Variants in STAT4 observed in about 807,000 individuals in gnomAD.
STAT4 encodes signal transducer and activator of transcription 4.
STAT4 carries 42 observed loss-of-function variants against 110.5 expected under a neutral mutation model. That is an observed-to-expected ratio of 0.38 (90% CI 0.30 to 0.49). STAT4 has a LOEUF of 0.49. Among genes scored for constraint, STAT4 ranks in the 20% least tolerant of loss-of-function variants. The probability of loss-of-function intolerance (pLI) is 0.95; values close to 1 mark genes in which losing one functional copy is unlikely to be tolerated. For missense variants in STAT4, 632 were observed against 887.9 expected (o/e 0.71, Z 3.66); for synonymous variants, 284 against 302.2 (o/e 0.94, Z 0.63).
chr2:191,031,817 T>G lies in STAT4; in HGVS notation c.2045-301A>C, dbSNP rs1695904785. Among the ~76,000 whole-genome samples the G allele has an allele frequency of 6.6e-6, 1 of 152,226 alleles. No individual in the cohort carries two copies. The highest frequency in any genetic ancestry group is 2.4e-5 in the African/African-American group (1 of 41,460). On this transcript the variant is annotated intron_variant, in intron 21 of 23. Coordinates refer to ENST00000392320, the MANE Select transcript of STAT4 (RefSeq NM_003151.4). The surrounding 1 kb of genome is among the most constrained non-coding windows in gnomAD (Gnocchi z 4.8). ...CTATTACCTGTTTTCTACGTTTCAT[T>G]TATGTTTGATTATAAGGACTGATTG... is the stretch of plus-strand genomic sequence containing the variant.
chr2:191,084,346 T>C (rs1309596260), intron 3 of STAT4, among the ~76,000 whole-genome samples: 1 of 152,070 alleles, frequency 6.6e-6, no homozygotes, highest in African/African-American at 2.4e-5. Flanking sequence ...CATTAGGATA[T>C]GATGAAGCCT....
chr2:191,043,852 A>G lies in STAT4; in HGVS notation c.1252-2704T>C, dbSNP rs149943105. Among the ~76,000 whole-genome samples, 1,300 of 152,334 alleles carry G rather than the reference A, an allele frequency of 8.5e-3. 6 individuals carry two copies. Among genetic ancestry groups the G allele is most frequent in the Non-Finnish European group, 0.014 (924 of 68,032 alleles). ...AAAAGCAAGTTGTGATAAAATATAT[A>G]CATAAGGATGCCATTTATGTAAAAT... On this transcript the variant is annotated intron_variant, in intron 14 of 23. Coordinates refer to ENST00000392320, the MANE Select transcript of STAT4 (RefSeq NM_003151.4). This position sits in a 1 kb window ranked among gnomAD's most constrained non-coding sequence, Gnocchi z 4.8.
At chr2:191,105,877 T>C (rs115561812) in intron 3 of STAT4, among the ~76,000 whole-genome samples, 1,665 of 152,252 alleles carry the variant, frequency 0.011, 22 homozygotes, top group Middle Eastern at 0.041. Context: ...TCCTCGCCGA[T>C]GGATATGAAC....
chr2:191,061,972 A>G lies in STAT4; in HGVS notation c.942-151T>C. On this transcript the variant is annotated intron_variant, in intron 9 of 23. Transcript: ENST00000392320. The surrounding 1 kb of genome is among the most constrained non-coding windows in gnomAD (Gnocchi z 6.2). ...CCCCAATTAAACTCAAATCTTTACAATGACTTTTTATAAATCATTTCACAG... is the reference window on the plus strand; with the variant it reads ...CCCCAATTAAACTCAAATCTTTACAGTGACTTTTTATAAATCATTTCACAG... The G allele has an allele frequency of 3.0e-6, 2 of 675,548 alleles. No individual in the cohort carries two copies. Among genetic ancestry groups the G allele is most frequent in the Non-Finnish European group, 5.2e-6 (2 of 386,476 alleles). 41.8% of individuals were successfully genotyped at this position (675,548 alleles called of 1,614,324 possible).
At position 191,076,212 on chromosome 2, in the gene STAT4, G is replaced by A. The variant is rs769896896; in HGVS notation, c.372+15C>T. ...TTCAAGGTGATAACAAGATCACAAG[G>A]TCAGAAAATATTACCTGGACAGGCA... On this transcript the variant is annotated intron_variant, in intron 4 of 23. Transcript: ENST00000392320. 1.2e-6 allele frequency: 2 copies of A among 1,603,798 alleles called. No individual in the cohort carries two copies. Among genetic ancestry groups the A allele is most frequent in the South Asian group, 2.2e-5 (2 of 90,808 alleles).
chr2:191,098,826 C>A (rs1179431975), intron 3 of STAT4, among the ~76,000 whole-genome samples: 2 of 151,930 alleles, frequency 1.3e-5, no homozygotes, highest in African/African-American at 4.8e-5. Flanking sequence ...ATCTTTTAAG[C>A]CAGGATAGAA....
At position 191,148,204 on chromosome 2, in the gene STAT4, G is replaced by A; in HGVS notation, c.-1C>T. Reference sequence around the variant, plus strand: ...GTTGGACTTGATTCCACTGAGACATGCTATAAAAGAAGGTGTAGAATTAGA... The same window carrying A: ...GTTGGACTTGATTCCACTGAGACATACTATAAAAGAAGGTGTAGAATTAGA... On this transcript the variant is annotated splice_region_variant and 5_prime_UTR_variant, in exon 2 of 24. Transcript: ENST00000392320. 6.2e-7 allele frequency: 1 copy of A among 1,613,166 alleles called. No homozygotes were observed. Among genetic ancestry groups the A allele is most frequent in the Non-Finnish European group, 8.5e-7 (1 of 1,179,546 alleles).
Position 191,147,258 on chromosome 2 carries a change from C to A in STAT4, c.129-501G>T, listed in dbSNP as rs1699485866. Among the ~76,000 whole-genome samples the A allele has an allele frequency of 6.6e-6, 1 of 152,078 alleles. No individual in the cohort carries two copies. Among genetic ancestry groups the A allele is most frequent in the Admixed American group, 6.5e-5 (1 of 15,276 alleles). Reference sequence around the variant, plus strand: ...CAAAATGTTTGAACAACCCAAATGTCCATTGACAGATACATTTATAAAACA... The same window carrying A: ...CAAAATGTTTGAACAACCCAAATGTACATTGACAGATACATTTATAAAACA... On this transcript the variant is annotated intron_variant, in intron 2 of 23. Coordinates refer to ENST00000392320, the MANE Select transcript of STAT4 (RefSeq NM_003151.4). This position sits in a 1 kb window ranked among gnomAD's most constrained non-coding sequence, Gnocchi z 4.1.
chr2:191,088,727 C>T (rs1378942010), intron 3 of STAT4, among the ~76,000 whole-genome samples: 1 of 152,118 alleles, frequency 6.6e-6, no homozygotes, highest in Non-Finnish European at 1.5e-5. Context: ...AAAGAATGGA[C>T]AGATAGATCA....
In STAT4 at chr2:191,146,329, A is replaced by G. The variant is rs12990489; in HGVS notation, c.273+284T>C. On this transcript the variant is annotated intron_variant, in intron 3 of 23. Transcript: ENST00000392320. This position sits in a 1 kb window ranked among gnomAD's most constrained non-coding sequence, Gnocchi z 4.5. ...AGAGCCGTGAAACTGTGGTCTGGTCAGTGTTGTTGAACTGAATCATAGCTA... is the reference window on the plus strand; with the variant it reads ...AGAGCCGTGAAACTGTGGTCTGGTCGGTGTTGTTGAACTGAATCATAGCTA... Among the ~76,000 whole-genome samples the G allele has an allele frequency of 0.09, 13,771 of 152,226 alleles. 693 individuals carry two copies. Among genetic ancestry groups the G allele is most frequent in the East Asian group, 0.21 (1,094 of 5,182 alleles).
Position 191,033,172 on chromosome 2 carries a change from A to T in STAT4, c.1853-23T>A. 1 of 1,609,408 alleles carries T rather than the reference A, an allele frequency of 6.2e-7. No homozygotes were observed. Among genetic ancestry groups the T allele is most frequent in the Non-Finnish European group, 8.5e-7 (1 of 1,177,304 alleles). On this transcript the variant is annotated intron_variant, in intron 20 of 23. Coordinates refer to ENST00000392320, the MANE Select transcript of STAT4 (RefSeq NM_003151.4). This position sits in a 1 kb window ranked among gnomAD's most constrained non-coding sequence, Gnocchi z 6.9. ...CCCCTTGAAAAACAGAAATTGGAGA[A>T]ATATACAGGTTCCTGTACACATTCC...
chr2:191,127,990 C>T (rs897997385), intron 3 of STAT4, among the ~76,000 whole-genome samples: 4 of 152,138 alleles, frequency 2.6e-5, no homozygotes, highest in African/African-American at 7.2e-5. Context: ...CAACTTAGTG[C>T]GATATGCACA....
In STAT4 at chr2:191,090,126, G is replaced by A. The variant is rs10931481; in HGVS notation, c.274-13801C>T. On this transcript the variant is annotated intron_variant, in intron 3 of 23. Transcript: ENST00000392320. This position sits in a 1 kb window ranked among gnomAD's most constrained non-coding sequence, Gnocchi z 4.2. Reference sequence around the variant, plus strand: ...TACATCACACTAATGTAAGATATAGGAGAAACTGGTGAGGGGTGTGAGAAG... The same window carrying A: ...TACATCACACTAATGTAAGATATAGAAGAAACTGGTGAGGGGTGTGAGAAG... 0.66 allele frequency among the ~76,000 whole-genome samples: 100,389 copies of A among 151,958 alleles called. 33,400 individuals carry two copies. Among genetic ancestry groups the A allele is most frequent in the Non-Finnish European group, 0.69 (46,882 of 67,966 alleles).
At chr2:191,136,021 AAC>A (rs201274904) in intron 3 of STAT4, among the ~76,000 whole-genome samples, 69,195 of 134,860 alleles carry the variant, frequency 0.51, 17,036 homozygotes, top group Admixed American at 0.61. Flanking sequence ...AAAAAAAAAA[AAC>A]CAAAAAACAA....
chr2:191,055,055 C>T (rs191201226), intron 13 of STAT4, among the ~76,000 whole-genome samples: 408 of 152,014 alleles, frequency 2.7e-3, no homozygotes, highest in Non-Finnish European at 4.7e-3. Flanking sequence ...AGGCAGAAAA[C>T]AAATTTTATA....
At chr2:191,106,640 C>T (rs1414000973) in intron 3 of STAT4, among the ~76,000 whole-genome samples, 2 of 97,998 alleles carry the variant, frequency 2.0e-5, no homozygotes, top group Non-Finnish European at 4.2e-5. Context: ...GAGTGAGACT[C>T]CATCTCAAAA....
intron 3 of STAT4, among the ~76,000 whole-genome samples, chr2:191,106,524 C>T (rs1352506559): frequency 4.0e-5 from 6 of 151,696 alleles, no homozygotes; most frequent in East Asian, 3.9e-4. Context: ...GGCATGGTGG[C>T]GCATGCCTGT....
intron 5 of STAT4, among the ~76,000 whole-genome samples, chr2:191,071,717 G>C (rs559518957): frequency 6.6e-6 from 1 of 152,306 alleles, no homozygotes; most frequent in Non-Finnish European, 1.5e-5. Context: ...GCATAAGTGG[G>C]GGAATTACAT....
intron 3 of STAT4, among the ~76,000 whole-genome samples, chr2:191,125,592 A>G (rs1454687967): frequency 1.3e-5 from 2 of 151,640 alleles, no homozygotes; most frequent in African/African-American, 4.8e-5. Context: ...GGCTTAAGTT[A>G]TCCTACCACC....
Sources: allele counts gnomAD v4.1 joint callset (sites outside exome capture counted in the v4.1 genomes callset), GRCh38; gene constraint gnomAD v4.1.1; non-coding constraint Gnocchi (gnomAD v3.1); transcripts MANE v1.5; gene names NCBI Gene and HGNC (gene_info 2026-07-23, HGNC 2026-07-21).